THOC2: variants seen among roughly 807,000 people sequenced by gnomAD.
The protein encoded by THOC2 is THO complex subunit 2, also known as THO complex 2.
Under a neutral mutation model 128.4 loss-of-function variants are expected in THOC2, and 10 were observed. The observed-to-expected ratio is 0.08, with a 90% CI of 0.05 to 0.13. THOC2 has a LOEUF of 0.13. Among genes scored for constraint, THOC2 ranks in the 10% least tolerant of loss-of-function variants. The probability of loss-of-function intolerance (pLI) is 1.00; values close to 1 mark genes in which losing one functional copy is unlikely to be tolerated. For synonymous variants in THOC2, 393 were observed against 396.9 expected, an observed-to-expected ratio of 0.99 and a Z score of 0.12; for missense variants, 535 against 1,155.7, an observed-to-expected ratio of 0.46 and a Z score of 7.79.
intron 1 of THOC2, among the ~76,000 whole-genome samples, chrX:123,719,179 CAAA>C (rs757081039): frequency 3.7e-5 from 2 of 53,469 alleles, no homozygotes; most frequent in Admixed American, 2.3e-4. Flanking sequence ...CTTCGTCTCC[CAAA>C]AAAAAAAAAA....
chrX:123,634,399 C>T lies in THOC2; in HGVS notation c.2019-329G>A, dbSNP rs141894598. Among the ~76,000 whole-genome samples, 43 of 110,989 alleles carry T rather than the reference C, an allele frequency of 3.9e-4. 1 individual carries two copies. In the East Asian group the frequency reaches 9.1e-3, roughly 23 times the overall value. On this transcript the variant is annotated intron_variant, in intron 19 of 38. Coordinates refer to ENST00000245838, the MANE Select transcript of THOC2 (RefSeq NM_001081550.2). ...TTGATTATTTGCATTTTCTCTCCCT[C>T]TCTGGAGCCCCTCTCTACATACATA...
At chrX:123,712,980 A>G (rs1264575453) in intron 1 of THOC2, 72 bp from the exon 2 acceptor site, 1 of 721,847 alleles carries the variant, frequency 1.4e-6, no homozygotes, top group Non-Finnish European at 2.0e-6. Flanking sequence ...AGCAAATTAT[A>G]TCAACTGGCA....
chrX:123,632,279 G>A (rs2047509654), intron 21 of THOC2, among the ~76,000 whole-genome samples: 2 of 110,010 alleles, frequency 1.8e-5, no homozygotes, highest in Admixed American at 9.8e-5. Flanking sequence ...AAGAAAAAGA[G>A]AGACAGCAAC....
intron 38 of THOC2, among the ~76,000 whole-genome samples, chrX:123,607,444 TTTTA>T (rs201176690): frequency 0.28 from 27,760 of 97,575 alleles, 3,803 homozygotes; most frequent in East Asian, 0.6. Context: ...CCTAGCTAAG[TTTTA>T]TTTATTTATT....
chrX:123,663,175 G>C (rs1439560515), intron 12 of THOC2, among the ~76,000 whole-genome samples: 1 of 111,825 alleles, frequency 8.9e-6, no homozygotes, highest in Non-Finnish European at 1.9e-5. Flanking sequence ...ATAGCCTCCA[G>C]GTAGAAACAA....
intron 36 of THOC2, among the ~76,000 whole-genome samples, chrX:123,611,819 C>G (rs904433049): frequency 1.9e-5 from 2 of 106,378 alleles, no homozygotes; most frequent in Admixed American, 2.1e-4. Context: ...ACTCTTACAA[C>G]TGAGCAACAA....
At chrX:123,698,815 C>A (rs2050560225) in intron 4 of THOC2, among the ~76,000 whole-genome samples, 1 of 107,234 alleles carries the variant, frequency 9.3e-6, no homozygotes, top group Admixed American at 1.0e-4. Flanking sequence ...GCAGAAGTTG[C>A]AGTGAGCCGA....
At chrX:123,663,086 C>T (rs1349891963) in intron 12 of THOC2, among the ~76,000 whole-genome samples, 1 of 111,697 alleles carries the variant, frequency 9.0e-6, no homozygotes, top group Non-Finnish European at 1.9e-5. Flanking sequence ...CTCATATGAC[C>T]CATCAATCCC....
chrX:123,660,250 A>C (rs1232353202), intron 12 of THOC2, among the ~76,000 whole-genome samples: 1 of 111,400 alleles, frequency 9.0e-6, no homozygotes, highest in Non-Finnish European at 1.9e-5. Flanking sequence ...AGCTCTACCA[A>C]GTGTGTATCT....
chrX:123,609,612 AG>A (rs1478105716), intron 38 of THOC2, among the ~76,000 whole-genome samples: 8 of 112,112 alleles, frequency 7.1e-5, no homozygotes. Flanking sequence ...CAATAATATT[AG>A]GGGGGAGGTA....
rs372833842 is a variant in THOC2, at chrX:123,690,950, G to A, written c.602-4236C>T. Among the ~76,000 whole-genome samples, 62 of 112,327 alleles carry A rather than the reference G, an allele frequency of 5.5e-4. 2 individuals carry two copies. The South Asian group carries it at 0.021, about 38-fold the overall frequency. On this transcript the variant is annotated intron_variant, in intron 7 of 38. Coordinates refer to ENST00000245838, the MANE Select transcript of THOC2 (RefSeq NM_001081550.2). ...AACAAGGCCAGGCATGGTGGCTCAC[G>A]CCTGTAATCCCAGCAATTTAGGAGG...
At chrX:123,640,264 C>T (rs2047858471) in intron 16 of THOC2, among the ~76,000 whole-genome samples, 1 of 94,236 alleles carries the variant, frequency 1.1e-5, no homozygotes, top group African/African-American at 4.2e-5. Context: ...TTGAATGTTT[C>T]TAAAAGTCTA....
intron 12 of THOC2, among the ~76,000 whole-genome samples, chrX:123,650,741 G>C (rs781265090): frequency 8.9e-6 from 1 of 112,032 alleles, no homozygotes; most frequent in Non-Finnish European, 1.9e-5. Flanking sequence ...AGGGATCAAC[G>C]TAACAAGAAG....
chrX:123,617,511 T>C (rs2046940669), intron 33 of THOC2, among the ~76,000 whole-genome samples: 1 of 111,325 alleles, frequency 9.0e-6, no homozygotes, highest in South Asian at 3.7e-4. Context: ...TGGGTGGTGC[T>C]AGGAATCAAG....
intron 38 of THOC2, chrX:123,603,523 G>T (rs780258715): frequency 7.4e-6 from 6 of 813,840 alleles, no homozygotes; most frequent in Non-Finnish European, 1.1e-5. Flanking sequence ...GGACCTTGCT[G>T]TAAGAAACTG....
chrX:123,680,787 C>G (rs1399448381), intron 8 of THOC2, among the ~76,000 whole-genome samples: 1 of 111,839 alleles, frequency 8.9e-6, no homozygotes. Context: ...TTTAACTGCT[C>G]AGTCCAAAAA....
intron 19 of THOC2, 118 bp from the exon 20 acceptor site, chrX:123,634,188 G>C: frequency 2.5e-6 from 1 of 408,140 alleles, no homozygotes; most frequent in African/African-American, 2.5e-5. Context: ...TATGGGGGAA[G>C]GGGCTGAAGC....
intron 15 of THOC2, among the ~76,000 whole-genome samples, chrX:123,641,994 T>G: frequency 8.9e-6 from 1 of 112,416 alleles, no homozygotes; most frequent in Middle Eastern, 4.6e-3. Context: ...TATTAAAAAT[T>G]CTGCACATAC....
intron 12 of THOC2, among the ~76,000 whole-genome samples, chrX:123,645,958 A>G (rs1488611493): frequency 1.8e-5 from 2 of 111,798 alleles, no homozygotes; most frequent in Non-Finnish European, 3.8e-5. Context: ...GCAAAAAAAA[A>G]AAAAAATTGT....
Sources: gnomAD v4.1 joint callset for allele counts (sites outside exome capture counted in the v4.1 genomes callset) on GRCh38, gnomAD v4.1.1 for gene constraint, MANE v1.5 for transcripts, NCBI Gene and HGNC (gene_info 2026-07-23, HGNC 2026-07-21) for gene names.